EMC7: variants seen among roughly 807,000 people sequenced by gnomAD.
EMC7 encodes the protein ER membrane protein complex subunit 7, also known as endoplasmic reticulum membrane protein complex subunit 7.
EMC7 carries 4 observed loss-of-function variants against 24.4 expected under a neutral mutation model. The observed-to-expected ratio is 0.16, with a 90% CI of 0.08 to 0.38. The LOEUF is 0.38. EMC7 is among the 10% of genes least tolerant of loss of function. The pLI is 1.00. For synonymous variants in EMC7, 106 were observed against 112.0 expected (o/e 0.95, Z 0.34); for missense variants, 221 against 300.6 (o/e 0.74, Z 1.96).
At chr15:34,095,801 G>T (rs1207155572) in intron 2 of EMC7, 94 bp downstream of exon 2, 25 of 1,200,094 alleles carry the variant, frequency 2.1e-5, no homozygotes, top group Non-Finnish European at 2.7e-5. Context: ...TAAATAAAAA[G>T]AATTTTCCAT....
intron 1 of EMC7, among the ~76,000 whole-genome samples, chr15:34,096,911 C>T (rs570293987): frequency 6.6e-6 from 1 of 150,884 alleles, no homozygotes; most frequent in African/African-American, 2.4e-5. Flanking sequence ...TGCTTTAACC[C>T]GGGAGGCAGA....
Position 34,088,080 on chromosome 15 carries a change from G to C in EMC7, c.549C>G (p.Val183=), listed in dbSNP as rs111499497. ...GTCTCATGTCAGGATCACTTGTGTT[G>C]ACCACTTTAGGCAGAAGCACAAATA... The part of the protein sequence containing the change: ...LLIFVLLPKV[V]NTSDPDMRRE... Residue 183 remains valine, a synonymous_variant, in exon 4 of 5, where the codon GTC becomes GTG. Transcript: ENST00000256545. The C allele has an allele frequency of 3.1e-6, 5 of 1,611,844 alleles. No individual in the cohort carries two copies. In the African/African-American group the frequency reaches 6.7e-5, roughly 22 times the overall value.
intron 1 of EMC7, among the ~76,000 whole-genome samples, chr15:34,097,171 C>A (rs919193464): frequency 1.3e-5 from 2 of 151,532 alleles, no homozygotes; most frequent in Admixed American, 1.3e-4. Flanking sequence ...GTAGCTGGGA[C>A]TACAGGCGCC....
chr15:34,090,276 T>C (rs3751642), intron 3 of EMC7, 41 bp downstream of exon 3: 18,831 of 1,574,362 alleles, frequency 0.012, 164 homozygotes, highest in East Asian at 0.04. Context: ...TAGAAGCAAA[T>C]TAGGTATTAG....
intron 4 of EMC7, among the ~76,000 whole-genome samples, chr15:34,087,830 G>A (rs1900912283): frequency 6.6e-6 from 1 of 152,044 alleles, no homozygotes; most frequent in Non-Finnish European, 1.5e-5. Context: ...AGCTACGATG[G>A]GACAGAGCAA....
intron 2 of EMC7, among the ~76,000 whole-genome samples, chr15:34,091,143 A>G (rs2140868872): frequency 6.6e-6 from 1 of 152,286 alleles, no homozygotes; most frequent in East Asian, 1.9e-4. Context: ...ATTTAGTTGT[A>G]CATTTCAATG....
chr15:34,087,450 T>C (rs1359513127), intron 4 of EMC7, among the ~76,000 whole-genome samples: 1 of 152,224 alleles, frequency 6.6e-6, no homozygotes, highest in African/African-American at 2.4e-5. Flanking sequence ...AATTCAAAGG[T>C]CACTCTTCTA....
In EMC7 at chr15:34,097,168, G is replaced by C. The variant is rs577696533; in HGVS notation, c.237-1154C>G. On this transcript the variant is annotated intron_variant, in intron 1 of 4. Transcript: ENST00000256545. ...CCTTCCTCAGTCTCCCGAGTAGCTG[G>C]GACTACAGGCGCCCTCCATCACGCC... Among the ~76,000 whole-genome samples, 448 of 150,366 alleles carry C rather than the reference G, an allele frequency of 3.0e-3. 3 individuals are homozygous for C. The highest frequency in any genetic ancestry group is 0.01 in the African/African-American group (413 of 41,048).
chr15:34,095,343 C>A (rs1433869646), intron 2 of EMC7, among the ~76,000 whole-genome samples: 4 of 152,180 alleles, frequency 2.6e-5, no homozygotes, highest in Admixed American at 2.0e-4. Context: ...ACAAATGTTT[C>A]AACTTCAAAT....
At chr15:34,086,172 C>T (rs979719258) in intron 4 of EMC7, 8 of 404,756 alleles carry the variant, frequency 2.0e-5, no homozygotes, top group Non-Finnish European at 3.4e-5. Context: ...GCCCTTGAAT[C>T]TTCTACGAAC....
chr15:34,092,288 C>CACACACACACACACACACAT (rs1446444541), intron 2 of EMC7, among the ~76,000 whole-genome samples: 2 of 151,830 alleles, frequency 1.3e-5, no homozygotes, highest in Non-Finnish European at 2.9e-5. Context: ...CACACACACA[C>CACACACACACACACACACAT]ACACAAAGAA....
chr15:34,087,280 G>A lies in EMC7; in HGVS notation c.576+773C>T, dbSNP rs148841389. Among the ~76,000 whole-genome samples the A allele has an allele frequency of 5.6e-4, 86 of 152,278 alleles. 1 individual carries two copies. In the East Asian group the frequency reaches 0.016, roughly 28 times the overall value. ...GAACCTTGAAACTCAGAAGATACTT[G>A]TTGATGGTTGAACGGAAAAATGCAT... On this transcript the variant is annotated intron_variant, in intron 4 of 4. Transcript: ENST00000256545.
chr15:34,101,831 G>T lies in EMC7; in HGVS notation c.9C>A (p.Ala3=), dbSNP rs745799317. 7 of 1,603,616 alleles carry T rather than the reference G, an allele frequency of 4.4e-6. No individual in the cohort carries two copies. Among genetic ancestry groups the T allele is most frequent in the Non-Finnish European group, 5.9e-6 (7 of 1,177,422 alleles). MA[A]ALWGFFPVLL... The stretch of plus-strand genomic sequence containing the variant: ...GGACGGGAAAGAAGCCCCACAGAGC[G>T]GCCGCCATGACAGCAGCTCTGCACT... The change falls in exon 1 of 5, where the codon GCC becomes GCA. Residue 3 remains alanine, a synonymous_variant. Coordinates refer to ENST00000256545, the MANE Select transcript of EMC7 (RefSeq NM_020154.3).
At chr15:34,093,091 C>T (rs978561863) in intron 2 of EMC7, among the ~76,000 whole-genome samples, 3 of 152,108 alleles carry the variant, frequency 2.0e-5, no homozygotes, top group South Asian at 2.1e-4. Context: ...GTTATGGGTA[C>T]TTAAAGTATG....
At chr15:34,088,530 T>G (rs1400980756) in intron 3 of EMC7, among the ~76,000 whole-genome samples, 1 of 151,056 alleles carries the variant, frequency 6.6e-6, no homozygotes, top group East Asian at 2.0e-4. Flanking sequence ...GCAAGCTAAC[T>G]GCTCTTTTCA....
chr15:34,098,992 T>C (rs1297681230), intron 1 of EMC7, among the ~76,000 whole-genome samples: 1 of 152,158 alleles, frequency 6.6e-6, no homozygotes, highest in Non-Finnish European at 1.5e-5. Flanking sequence ...TGGATCCTGA[T>C]TTGAAAGAAC....
At chr15:34,093,823 A>ATATATATTTTTTTTTT (rs1190830993) in intron 2 of EMC7, among the ~76,000 whole-genome samples, 8 of 48,704 alleles carry the variant, frequency 1.6e-4, no homozygotes, top group African/African-American at 6.6e-4. Flanking sequence ...ATATATATAT[A>ATATATATTTTTTTTTT]TTTTTTTTTT....
intron 2 of EMC7, among the ~76,000 whole-genome samples, chr15:34,090,973 G>A (rs974692681): frequency 4.6e-5 from 7 of 152,114 alleles, no homozygotes; most frequent in African/African-American, 7.2e-5. Context: ...CACCAAAGAC[G>A]CACTAATTTT....
chr15:34,089,708 G>A (rs1435456876), intron 3 of EMC7, among the ~76,000 whole-genome samples: 2 of 152,206 alleles, frequency 1.3e-5, no homozygotes, highest in East Asian at 3.9e-4. Context: ...TGTAATCCCA[G>A]CACTTTAGGA....
Sources: gnomAD v4.1 joint callset for allele counts (sites outside exome capture counted in the v4.1 genomes callset) on GRCh38, gnomAD v4.1.1 for gene constraint, MANE v1.5 for transcripts, NCBI Gene and HGNC (gene_info 2026-07-23, HGNC 2026-07-21) for gene names.